LYRM4: variants seen among roughly 807,000 people sequenced by gnomAD.
LYRM4 encodes the protein LYR motif-containing protein 4.
Under a neutral mutation model 11.7 loss-of-function variants are expected in LYRM4, and 9 were observed. That is an observed-to-expected ratio of 0.77 (90% CI 0.46 to 1.34). The LOEUF (loss-of-function observed/expected upper bound fraction) is 1.34, where lower values mean the gene tolerates loss of function less well. Ranked by LOEUF, LYRM4 falls within the 40% of genes most tolerant of loss-of-function variation. The probability of loss-of-function intolerance (pLI) is 0.00; values close to 1 mark genes in which losing one functional copy is unlikely to be tolerated. For synonymous variants in LYRM4, 42 were observed against 40.4 expected, an observed-to-expected ratio of 1.04 and a Z score of -0.15; for missense variants, 133 against 112.5, an observed-to-expected ratio of 1.18 and a Z score of -0.82.
chr6:5,204,093 G>A (rs1761550589), intron 2 of LYRM4, among the ~76,000 whole-genome samples: 1 of 152,174 alleles, frequency 6.6e-6, no homozygotes, highest in African/African-American at 2.4e-5. Flanking sequence ...CCCACAGAAA[G>A]TCATTTGCCT....
downstream of LYRM4, chr6:5,104,277 G>A (rs1762594883): frequency 6.6e-6 from 1 of 151,132 alleles, no homozygotes; most frequent in Non-Finnish European, 1.5e-5. Context: ...TTTTATCCCA[G>A]TTATTTTTTT....
intron 2 of LYRM4, among the ~76,000 whole-genome samples, chr6:5,148,816 A>T (rs1757927867): frequency 6.6e-6 from 1 of 152,164 alleles, no homozygotes; most frequent in Admixed American, 6.5e-5. Flanking sequence ...CTGCTAATTA[A>T]ATCTATAAAT....
At chr6:5,094,039 G>C in the LYRM4 span, among the ~76,000 whole-genome samples, 4 of 152,238 alleles carry the variant, frequency 2.6e-5, no homozygotes, top group African/African-American at 9.6e-5. Flanking sequence ...ACTGAAACCA[G>C]ATAGGGCTGA....
chr6:5,048,760 G>A, the LYRM4 span, among the ~76,000 whole-genome samples: 1 of 152,154 alleles, frequency 6.6e-6, no homozygotes, highest in Non-Finnish European at 1.5e-5. Flanking sequence ...CTCACAGGAG[G>A]GTAGGTGTAG....
At chr6:5,091,820 A>G in the LYRM4 span, among the ~76,000 whole-genome samples, 1 of 152,244 alleles carries the variant, frequency 6.6e-6, no homozygotes, top group African/African-American at 2.4e-5. Context: ...CCACGCATAT[A>G]CATATGCAAA....
chr6:5,133,438 T>G (rs773477671), intron 2 of LYRM4, among the ~76,000 whole-genome samples: 5 of 152,208 alleles, frequency 3.3e-5, no homozygotes, highest in Middle Eastern at 3.4e-3. Flanking sequence ...TGAGGAAGGC[T>G]CCAAAGACAC....
intron 1 of LYRM4, among the ~76,000 whole-genome samples, chr6:5,245,766 T>A (rs1240399704): frequency 6.6e-6 from 1 of 152,180 alleles, no homozygotes; most frequent in Non-Finnish European, 1.5e-5. Context: ...TGTATGGGGC[T>A]GTGAACTTAC....
chr6:5,049,262 A>G, the LYRM4 span, among the ~76,000 whole-genome samples: 1 of 152,210 alleles, frequency 6.6e-6, no homozygotes, highest in Non-Finnish European at 1.5e-5. Flanking sequence ...GCCCCCTACC[A>G]CCACCCAAAT....
chr6:5,086,389 T>G, the LYRM4 span: 1 of 1,536,212 alleles, frequency 6.5e-7, no homozygotes. Flanking sequence ...GTGCTTCCAC[T>G]TCTCGCTGTG....
At chr6:5,255,893 A>G (rs1464519639) in intron 1 of LYRM4, among the ~76,000 whole-genome samples, 2 of 152,184 alleles carry the variant, frequency 1.3e-5, no homozygotes, top group African/African-American at 4.8e-5. Context: ...ACTAACCTAA[A>G]TAGTATTCCT....
the LYRM4 span, among the ~76,000 whole-genome samples, chr6:5,074,626 T>C: frequency 3.3e-5 from 5 of 151,710 alleles, no homozygotes; most frequent in African/African-American, 7.3e-5. Flanking sequence ...TTCTTTCTTT[T>C]TTTTTTTTTA....
intron 2 of LYRM4, among the ~76,000 whole-genome samples, chr6:5,111,316 G>A (rs1762871749): frequency 6.6e-6 from 1 of 152,208 alleles, no homozygotes; most frequent in Non-Finnish European, 1.5e-5. Context: ...AGCTTGTTCT[G>A]TATTTAATTG....
At chr6:5,046,587 G>C in the LYRM4 span, among the ~76,000 whole-genome samples, 1 of 152,182 alleles carries the variant, frequency 6.6e-6, no homozygotes, top group Non-Finnish European at 1.5e-5. Context: ...TGGGACAGCT[G>C]GCGGCTGCAC....
intron 2 of LYRM4, among the ~76,000 whole-genome samples, chr6:5,208,966 G>A (rs1347969521): frequency 6.6e-6 from 1 of 152,152 alleles, no homozygotes. Flanking sequence ...AAGATATAGG[G>A]TTCACTTAGG....
chr6:5,214,371 A>G (rs764959651), intron 2 of LYRM4, among the ~76,000 whole-genome samples: 4 of 152,198 alleles, frequency 2.6e-5, no homozygotes, highest in Non-Finnish European at 4.4e-5. Flanking sequence ...GATGGGAGCA[A>G]GAAGTTCAAG....
intron 1 of LYRM4, among the ~76,000 whole-genome samples, chr6:5,233,909 G>C (rs938912600): frequency 6.6e-5 from 10 of 152,214 alleles, no homozygotes; most frequent in Admixed American, 2.6e-4. Context: ...CACAGAACTG[G>C]CTTTGAGAAG....
intron 1 of LYRM4, among the ~76,000 whole-genome samples, chr6:5,227,777 T>C (rs954124230): frequency 1.3e-5 from 2 of 152,154 alleles, no homozygotes; most frequent in African/African-American, 4.8e-5. Context: ...ATGTGGCACA[T>C]TTACACCACA....
Position 5,122,805 on chromosome 6 carries a change from C to T in LYRM4, c.208-13314G>A, listed in dbSNP as rs186832215. The stretch of plus-strand genomic sequence containing the variant: ...AACGAGGCAGACATCCCCGTCTGCA[C>T]GGTTTCCCAGTACATGCTCTCCTTC... On this transcript the variant is annotated intron_variant, in intron 2 of 2. Transcript: ENST00000330636. Among the ~76,000 whole-genome samples, 46 of 152,352 alleles carry T rather than the reference C, an allele frequency of 3.0e-4. No individual in the cohort carries two copies. The East Asian group carries it at 4.2e-3, about 14-fold the overall frequency.
rs1177859252 is a variant in LYRM4, at chr6:5,109,404, G to T, written c.*19C>A. The T allele has an allele frequency of 6.2e-7, 1 of 1,613,830 alleles. No homozygotes were observed. Among genetic ancestry groups the T allele is most frequent in the Non-Finnish European group, 8.5e-7 (1 of 1,179,790 alleles). ...TGAAGGTGGTCCCTGGCCGCCACTG[G>T]TGGCTGGTCCCCGGCTTGCTAGGTC... On this transcript the variant is annotated 3_prime_UTR_variant, in exon 3 of 3. Transcript: ENST00000330636.
Sources: allele counts gnomAD v4.1 joint callset (sites outside exome capture counted in the v4.1 genomes callset), GRCh38; gene constraint gnomAD v4.1.1; transcripts MANE v1.5; gene names NCBI Gene and HGNC (gene_info 2026-07-23, HGNC 2026-07-21).